Variants in ARHGAP42 observed in about 807,000 individuals in gnomAD.
The protein encoded by ARHGAP42 is Rho GTPase activating protein 42, also known as rho GTPase-activating protein 42.
Under a neutral mutation model 125.0 loss-of-function variants are expected in ARHGAP42, and 63 were observed. The ratio of observed to expected loss-of-function variants is 0.50; its 90% confidence interval spans 0.41 to 0.62. The LOEUF (loss-of-function observed/expected upper bound fraction) is 0.62, where lower values mean the gene tolerates loss of function less well. ARHGAP42 is among the 20% of genes least tolerant of loss of function. The pLI is 0.00. For missense variants in ARHGAP42, 766 were observed against 1,024.2 expected, an observed-to-expected ratio of 0.75 and a Z score of 3.44; for synonymous variants, 339 against 351.0, an observed-to-expected ratio of 0.97 and a Z score of 0.38.
intron 4 of ARHGAP42, among the ~76,000 whole-genome samples, chr11:100,877,383 T>C (rs1195494883): frequency 2.6e-5 from 4 of 152,218 alleles, no homozygotes; most frequent in South Asian, 2.1e-4. Context: ...GGGAAGCAAA[T>C]TTATGTGGCC....
intron 1 of ARHGAP42, among the ~76,000 whole-genome samples, chr11:100,712,298 G>A (rs1861577955): frequency 6.6e-6 from 1 of 152,088 alleles, no homozygotes; most frequent in Non-Finnish European, 1.5e-5. Flanking sequence ...AATTAGAAAT[G>A]ACTTAAGTGA....
At chr11:100,843,062 C>T (rs1864979099) in intron 3 of ARHGAP42, among the ~76,000 whole-genome samples, 1 of 151,902 alleles carries the variant, frequency 6.6e-6, no homozygotes, top group Admixed American at 6.6e-5. Context: ...AATGGATAGA[C>T]CATTAGCAAG....
chr11:100,943,779 A>G lies in ARHGAP42; in HGVS notation c.954A>G (p.Ser318=). The G allele has an allele frequency of 1.9e-6, 3 of 1,549,628 alleles. No individual in the cohort carries two copies. Among genetic ancestry groups the G allele is most frequent in the Non-Finnish European group, 2.6e-6 (3 of 1,145,586 alleles). The change falls in exon 10 of 24, where the codon TCA becomes TCG. Residue 318 remains serine, a synonymous_variant. Transcript: ENST00000298815. ...SGKMNGLVTS[S]PEMFKLKSCI... ...TTCAGAATGGCCTTGTTACTAGCTC[A>G]CCGGAAATGTTTAAATTAAAATCTT...
chr11:100,749,695 C>T (rs778990871), intron 1 of ARHGAP42, among the ~76,000 whole-genome samples: 5 of 152,154 alleles, frequency 3.3e-5, no homozygotes, highest in Non-Finnish European at 7.3e-5. Context: ...GCAGGATCTG[C>T]CTTAAGCCAT....
At chr11:100,926,670 G>C (rs984276196) in intron 6 of ARHGAP42, among the ~76,000 whole-genome samples, 1 of 152,254 alleles carries the variant, frequency 6.6e-6, no homozygotes, top group Non-Finnish European at 1.5e-5. Context: ...CAAAAATAAT[G>C]TGTAGTTCCC....
intron 3 of ARHGAP42, among the ~76,000 whole-genome samples, chr11:100,844,616 T>C (rs185038067): frequency 2.4e-3 from 361 of 151,570 alleles, no homozygotes; most frequent in African/African-American, 8.1e-3. Flanking sequence ...AAAAAAATCC[T>C]ATCAAAAAGT....
At chr11:100,957,987 T>C (rs1207131750) in intron 12 of ARHGAP42, among the ~76,000 whole-genome samples, 1 of 152,106 alleles carries the variant, frequency 6.6e-6, no homozygotes, top group Non-Finnish European at 1.5e-5. Context: ...TCTTTTTCTC[T>C]TAATATATCT....
intron 1 of ARHGAP42, among the ~76,000 whole-genome samples, chr11:100,728,641 A>T (rs192872270): frequency 1.4e-5 from 2 of 147,734 alleles, no homozygotes; most frequent in Non-Finnish European, 3.0e-5. Context: ...TATCTTTAAC[A>T]TGAAGCAGTG....
At chr11:100,796,085 G>A (rs1863703875) in intron 3 of ARHGAP42, among the ~76,000 whole-genome samples, 1 of 151,748 alleles carries the variant, frequency 6.6e-6, no homozygotes, top group African/African-American at 2.4e-5. Flanking sequence ...TAAGGGTTTT[G>A]GTAACCTGCA....
chr11:100,842,649 C>G (rs1013562362), intron 3 of ARHGAP42, among the ~76,000 whole-genome samples: 1 of 151,998 alleles, frequency 6.6e-6, no homozygotes, highest in Admixed American at 6.6e-5. Flanking sequence ...ATATTTAAAA[C>G]TTAGGTTCCC....
chr11:100,854,688 A>G (rs1865285221), intron 3 of ARHGAP42, among the ~76,000 whole-genome samples: 2 of 152,096 alleles, frequency 1.3e-5, no homozygotes, highest in Admixed American at 6.6e-5. Context: ...AAGAATGTCT[A>G]TATTATGTAG....
intron 3 of ARHGAP42, among the ~76,000 whole-genome samples, chr11:100,840,255 C>T (rs1399910731): frequency 6.6e-6 from 1 of 152,078 alleles, no homozygotes; most frequent in Non-Finnish European, 1.5e-5. Context: ...TAGTTCTTTG[C>T]CTTGGGACAC....
chr11:100,792,205 T>A (rs552460782), intron 2 of ARHGAP42, among the ~76,000 whole-genome samples: 1 of 152,328 alleles, frequency 6.6e-6, no homozygotes, highest in South Asian at 2.1e-4. Flanking sequence ...CCAAAATAGC[T>A]GTTGACAGGC....
At chr11:100,960,699 C>T (rs1382386840) in intron 13 of ARHGAP42, among the ~76,000 whole-genome samples, 1 of 152,184 alleles carries the variant, frequency 6.6e-6, no homozygotes, top group Admixed American at 6.6e-5. Flanking sequence ...CACTTTGCTA[C>T]TTTGAAGATC....
intron 1 of ARHGAP42, among the ~76,000 whole-genome samples, chr11:100,689,996 A>G (rs1329864432): frequency 6.6e-6 from 1 of 152,082 alleles, no homozygotes; most frequent in African/African-American, 2.4e-5. Context: ...GCTTGGTTCT[A>G]TCACTGGCTG....
chr11:100,879,271 A>G (rs750473245), intron 4 of ARHGAP42, among the ~76,000 whole-genome samples: 2 of 152,156 alleles, frequency 1.3e-5, no homozygotes, highest in Admixed American at 6.5e-5. Context: ...TGATGAGAGT[A>G]ATGTGGTCCT....
At chr11:100,916,941 A>G (rs1867081266) in intron 5 of ARHGAP42, among the ~76,000 whole-genome samples, 1 of 152,146 alleles carries the variant, frequency 6.6e-6, no homozygotes, top group Non-Finnish European at 1.5e-5. Flanking sequence ...AGAAATATTC[A>G]TACAAATAAG....
intron 4 of ARHGAP42, among the ~76,000 whole-genome samples, chr11:100,864,569 T>G (rs747427228): frequency 4.6e-5 from 7 of 152,106 alleles, no homozygotes; most frequent in Non-Finnish European, 1.0e-4. Context: ...GCATTGCATA[T>G]GTTTAGTGAT....
chr11:100,911,940 T>G (rs79747001), intron 4 of ARHGAP42, among the ~76,000 whole-genome samples: 1,640 of 152,318 alleles, frequency 0.011, 33 homozygotes, highest in South Asian at 0.081. Flanking sequence ...TATTTTAATG[T>G]ACAAGCATCT....
Sources: gnomAD v4.1 joint callset for allele counts (sites outside exome capture counted in the v4.1 genomes callset) on GRCh38, gnomAD v4.1.1 for gene constraint, MANE v1.5 for transcripts, NCBI Gene and HGNC (gene_info 2026-07-23, HGNC 2026-07-21) for gene names.